The following HOMER1 variants were observed in gnomAD, a reference collection of about 807,000 sequenced individuals.
HOMER1 encodes homer scaffold protein 1.
In HOMER1, 3 loss-of-function variants were observed where a neutral mutation model predicts 48.9. The observed-to-expected ratio is 0.06, with a 90% CI of 0.03 to 0.16. HOMER1 has a LOEUF of 0.16. Ranked by LOEUF, HOMER1 falls within the 10% of genes least tolerant of loss-of-function variation. The pLI is 1.00. For missense variants in HOMER1, 247 were observed against 411.4 expected (o/e 0.60, Z 3.46); for synonymous variants, 134 against 146.4 (o/e 0.92, Z 0.61).
intron 2 of HOMER1, among the ~76,000 whole-genome samples, chr5:79,455,427 G>T (rs528358366): frequency 7.5e-4 from 114 of 152,180 alleles, no homozygotes; most frequent in Non-Finnish European, 1.5e-3. Context: ...GAGATCTGAT[G>T]GTTTTATACG....
intron 1 of HOMER1, among the ~76,000 whole-genome samples, chr5:79,505,045 G>C (rs1752709908): frequency 6.6e-6 from 1 of 152,006 alleles, no homozygotes; most frequent in Non-Finnish European, 1.5e-5. Context: ...TGAAAGGCCA[G>C]GGTGGGTGGA....
intron 5 of HOMER1, among the ~76,000 whole-genome samples, chr5:79,433,077 A>G (rs1457331535): frequency 6.6e-6 from 1 of 152,218 alleles, no homozygotes; most frequent in Non-Finnish European, 1.5e-5. Context: ...TACAGTCCAC[A>G]GTCTCATCCA....
At chr5:79,464,074 A>G (rs1212004469) in intron 1 of HOMER1, among the ~76,000 whole-genome samples, 3 of 152,190 alleles carry the variant, frequency 2.0e-5, no homozygotes, top group African/African-American at 7.2e-5. Context: ...TTGTATAGGT[A>G]TTAAAATATC....
chr5:79,480,013 A>G (rs1218241957), intron 1 of HOMER1, among the ~76,000 whole-genome samples: 3 of 152,250 alleles, frequency 2.0e-5, no homozygotes, highest in Non-Finnish European at 4.4e-5. Flanking sequence ...GACAAGTTAT[A>G]GCAATTGTTC....
At chr5:79,498,499 C>A (rs1433618218) in intron 1 of HOMER1, among the ~76,000 whole-genome samples, 1 of 152,288 alleles carries the variant, frequency 6.6e-6, no homozygotes, top group South Asian at 2.1e-4. Flanking sequence ...AATAAGGGAT[C>A]AGGCTTCAGA....
chr5:79,381,071 T>C (rs545096886), intron 8 of HOMER1, among the ~76,000 whole-genome samples: 1 of 151,774 alleles, frequency 6.6e-6, no homozygotes, highest in African/African-American at 2.4e-5. Context: ...CTGCTAACAC[T>C]GGTGCAAGCA....
chr5:79,379,115 A>ATATATATATATATAATATATAT (rs1349080228), intron 8 of HOMER1, among the ~76,000 whole-genome samples: 1 of 55,608 alleles, frequency 1.8e-5, no homozygotes, highest in Non-Finnish European at 3.6e-5. Context: ...TATATATATA[A>ATATATATATATATAATATATAT]AATATATAAA....
chr5:79,489,383 T>C lies in HOMER1; in HGVS notation c.5+23387A>G, dbSNP rs372710553. 4.9e-3 allele frequency among the ~76,000 whole-genome samples: 752 copies of C among 152,226 alleles called. 7 individuals are homozygous for C. Among genetic ancestry groups the C allele is most frequent in the Non-Finnish European group, 9.1e-3 (616 of 68,008 alleles). ...CTACCATCAGCTAGCATTGAGACTT[T>C]GGGCAAAGTCCTCAGTTGCCTCATT... is the stretch of plus-strand genomic sequence containing the variant. On this transcript the variant is annotated intron_variant, in intron 1 of 8. Transcript: ENST00000334082.
At chr5:79,434,846 T>C (rs1261649590) in intron 5 of HOMER1, among the ~76,000 whole-genome samples, 1 of 152,178 alleles carries the variant, frequency 6.6e-6, no homozygotes, top group Non-Finnish European at 1.5e-5. Context: ...AAGAAAGTAG[T>C]AAATGATTCA....
rs555954286 is a variant in HOMER1, at chr5:79,498,010, T to C, written c.5+14760A>G. On this transcript the variant is annotated intron_variant, in intron 1 of 8. Coordinates refer to ENST00000334082, the MANE Select transcript of HOMER1 (RefSeq NM_004272.5). ...CATCAAGGTCTCGAGGTGATTCTGA[T>C]GCAGGTTCAAAATTGAGAACCACTG... 2.6e-5 allele frequency among the ~76,000 whole-genome samples: 4 copies of C among 152,318 alleles called. No individual in the cohort carries two copies. The East Asian group carries it at 7.7e-4, about 29-fold the overall frequency.
At chr5:79,503,073 C>T (rs887659860) in intron 1 of HOMER1, among the ~76,000 whole-genome samples, 12 of 152,146 alleles carry the variant, frequency 7.9e-5, no homozygotes, top group African/African-American at 9.7e-5. Flanking sequence ...AGGCGTGAGC[C>T]ACTGCGCCCA....
rs557507891 is a variant in HOMER1 at position 79,472,137 on chromosome 5, T to A, written c.6-15119A>T. Among the ~76,000 whole-genome samples the A allele has an allele frequency of 3.9e-5, 6 of 152,332 alleles. No individual in the cohort carries two copies. In the South Asian group the frequency reaches 1.2e-3, roughly 32 times the overall value. On this transcript the variant is annotated intron_variant, in intron 1 of 8. Coordinates refer to ENST00000334082, the MANE Select transcript of HOMER1 (RefSeq NM_004272.5). ...TTTGACTGTTCTAATCATTGCTGTA[T>A]CCTCAGCATCTCAAATTTCTGGCAC...
In HOMER1 at chr5:79,454,269, A is replaced by G. The variant is rs1048747636; in HGVS notation, c.162+2593T>C. ...ACTTCCATATGGTTTCTTTTCTCCG[A>G]CATGGGACTATTCAGTTGACCTTTT... On this transcript the variant is annotated intron_variant, in intron 2 of 8. Coordinates refer to ENST00000334082, the MANE Select transcript of HOMER1 (RefSeq NM_004272.5). 7.2e-5 allele frequency among the ~76,000 whole-genome samples: 11 copies of G among 152,284 alleles called. No individual in the cohort carries two copies. The East Asian group carries it at 1.7e-3, about 24-fold the overall frequency.
At chr5:79,503,532 GAGA>G (rs761747721) in intron 1 of HOMER1, among the ~76,000 whole-genome samples, 22,182 of 93,834 alleles carry the variant, frequency 0.24, 2,824 homozygotes, top group East Asian at 0.49. Context: ...CTGTCACAAA[GAGA>G]AAAAAAAAAA....
intron 1 of HOMER1, among the ~76,000 whole-genome samples, chr5:79,488,518 G>T (rs1250421290): frequency 1.3e-5 from 2 of 152,114 alleles, no homozygotes; most frequent in Non-Finnish European, 2.9e-5. Flanking sequence ...GTTCTTAAGA[G>T]CCCCAAATCA....
chr5:79,379,079 C>CATATAT (rs3082000), intron 8 of HOMER1, among the ~76,000 whole-genome samples: 1,476 of 55,058 alleles, frequency 0.027, 55 homozygotes, highest in Non-Finnish European at 0.044. Flanking sequence ...ACCTTTTGTC[C>CATATAT]ATATATATAT....
intron 5 of HOMER1, among the ~76,000 whole-genome samples, chr5:79,435,523 A>G (rs1750550571): frequency 6.6e-6 from 1 of 152,246 alleles, no homozygotes; most frequent in African/African-American, 2.4e-5. Flanking sequence ...CTGCTAAAAC[A>G]CATATTGGAG....
At chr5:79,461,349 A>C (rs10078223) in intron 1 of HOMER1, among the ~76,000 whole-genome samples, 2 of 151,464 alleles carry the variant, frequency 1.3e-5, no homozygotes, top group African/African-American at 4.9e-5. Flanking sequence ...AAACTGTATA[A>C]AACTCATAAA....
At chr5:79,401,504 G>C (rs1403862637) in intron 6 of HOMER1, among the ~76,000 whole-genome samples, 3 of 152,118 alleles carry the variant, frequency 2.0e-5, no homozygotes, top group Non-Finnish European at 4.4e-5. Context: ...CAGGAGAAAA[G>C]CATTCCCGCT....
Sources: allele counts gnomAD v4.1 joint callset (sites outside exome capture counted in the v4.1 genomes callset), GRCh38; gene constraint gnomAD v4.1.1; transcripts MANE v1.5; gene names NCBI Gene and HGNC (gene_info 2026-07-23, HGNC 2026-07-21).